The following RBP2 variants were observed in gnomAD, a reference collection of about 807,000 sequenced individuals.
RBP2 encodes the protein retinol binding protein 2, also known as retinol-binding protein 2.
RBP2 carries 17 observed loss-of-function variants against 17.0 expected under a neutral mutation model. The observed-to-expected ratio is 1.00, with a 90% CI of 0.68 to 1.50. The LOEUF (loss-of-function observed/expected upper bound fraction) is 1.50, where lower values mean the gene tolerates loss of function less well. Among genes scored for constraint, RBP2 ranks in the 40% most tolerant of loss-of-function variants. The pLI is 0.00. For synonymous variants in RBP2, 48 were observed against 57.1 expected, an observed-to-expected ratio of 0.84 and a Z score of 0.72; for missense variants, 158 against 168.2, an observed-to-expected ratio of 0.94 and a Z score of 0.33.
At chr3:139,456,022 CA>C (rs1468425569) in intron 2 of RBP2, among the ~76,000 whole-genome samples, 1 of 152,204 alleles carries the variant, frequency 6.6e-6, no homozygotes, top group African/African-American at 2.4e-5. Context: ...CCTACAGGGC[CA>C]ACCACTTCTG....
intron 2 of RBP2, among the ~76,000 whole-genome samples, chr3:139,461,538 AT>A (rs10709555): frequency 0.53 from 79,600 of 149,970 alleles, 23,601 homozygotes; most frequent in East Asian, 0.92. Flanking sequence ...TAACCTACTG[AT>A]TTTTTTTTTT....
intron 1 of RBP2, among the ~76,000 whole-genome samples, chr3:139,474,279 A>G (rs569932274): frequency 1.3e-5 from 2 of 152,314 alleles, no homozygotes; most frequent in South Asian, 2.1e-4. Flanking sequence ...GGCTGTTGTT[A>G]GAGGCAGGAT....
chr3:139,462,305 A>T lies in RBP2; in HGVS notation c.74-15T>A, dbSNP rs1933217213. ...AAAATCAATATCTGTTGGCAAAGGG[A>T]GTTGTGGAGGTTATGATGTGCTCAG... On this transcript the variant is annotated splice_polypyrimidine_tract_variant and intron_variant, in intron 1 of 3. Coordinates refer to ENST00000232217, the MANE Select transcript of RBP2 (RefSeq NM_004164.3). 4 of 1,613,672 alleles carry T rather than the reference A, an allele frequency of 2.5e-6. No individual in the cohort carries two copies. Among genetic ancestry groups the T allele is most frequent in the Non-Finnish European group, 3.4e-6 (4 of 1,179,672 alleles).
chr3:139,460,444 A>G (rs1218311185), intron 2 of RBP2, among the ~76,000 whole-genome samples: 1 of 152,174 alleles, frequency 6.6e-6, no homozygotes, highest in East Asian at 1.9e-4. Flanking sequence ...CCTTGACTTG[A>G]TGGCTGAGAT....
Position 139,453,122 on chromosome 3 carries a change from C to G in RBP2, c.399G>C (p.Lys133Asn). Reference sequence around the variant, plus strand: ...CAGGCCTCCCACGTCGCCATCATTTCTTTTTGAACACTTGACGGCACACCT... The same window carrying G: ...CAGGCCTCCCACGTCGCCATCATTTGTTTTTGAACACTTGACGGCACACCT... ...GDQVCRQVFK[K>N]K The change falls in exon 4 of 4, where the codon AAG becomes AAC. Residue 133 changes from lysine to asparagine, a missense_variant. Lys to Asn is a moderately conservative substitution (Grantham distance 94). Transcript: ENST00000232217. 10 of 1,614,100 alleles carry G rather than the reference C, an allele frequency of 6.2e-6. No homozygotes were observed. The highest frequency in any genetic ancestry group is 1.3e-5 in the African/African-American group (1 of 75,016).
intron 2 of RBP2, among the ~76,000 whole-genome samples, chr3:139,461,062 C>G (rs1933170427): frequency 1.3e-5 from 2 of 152,146 alleles, no homozygotes; most frequent in African/African-American, 4.8e-5. Flanking sequence ...TTGGATTTCT[C>G]CTATTCCTGT....
intron 1 of RBP2, among the ~76,000 whole-genome samples, chr3:139,467,932 G>A (rs1282761205): frequency 2.0e-5 from 3 of 152,080 alleles, no homozygotes; most frequent in African/African-American, 2.4e-5. Context: ...CAGTTTCCTC[G>A]CTCTATAGTC....
intron 1 of RBP2, among the ~76,000 whole-genome samples, chr3:139,469,950 C>T (rs962283172): frequency 7.9e-5 from 12 of 152,154 alleles, no homozygotes; most frequent in African/African-American, 2.7e-4. Flanking sequence ...TCTTAGGCTC[C>T]ATCATTTCCT....
chr3:139,475,872 G>C (rs141026854), intron 1 of RBP2, among the ~76,000 whole-genome samples: 34 of 152,324 alleles, frequency 2.2e-4, no homozygotes, highest in African/African-American at 7.9e-4. Context: ...ATAAGCAGTG[G>C]GTTGTTTGTG....
rs1576417795 is a variant in RBP2 at position 139,453,269 on chromosome 3, G to A, written c.355-103C>T. The A allele has an allele frequency of 2.3e-6, 3 of 1,301,900 alleles. No homozygotes were observed. In the East Asian group the frequency reaches 7.1e-5, roughly 31 times the overall value. 80.6% of individuals were successfully genotyped at this position (1,301,900 alleles called of 1,614,324 possible). ...GGGGGTGGGAGGTTGGAATAAAGAG[G>A]ACACTTAGGTATTCTGGGCAAAGTG... On this transcript the variant is annotated intron_variant, in intron 3 of 3. Transcript: ENST00000232217.
At position 139,462,142 on chromosome 3, in the gene RBP2, G is replaced by A. The variant is rs1933211132; in HGVS notation, c.222C>T (p.Tyr74=). Reference sequence around the variant, plus strand: ...CATGCCGGTTATCCAGGCTCTTTGTGTACTCGTCAAACTCTACTCCAACAG... The same window carrying A: ...CATGCCGGTTATCCAGGCTCTTTGTATACTCGTCAAACTCTACTCCAACAG... ...DFTVGVEFDE[Y]TKSLDNRHVK... The change falls in exon 2 of 4, where the codon TAC becomes TAT. Residue 74 remains tyrosine (Y), a synonymous_variant. Coordinates refer to ENST00000232217, the MANE Select transcript of RBP2 (RefSeq NM_004164.3). 2 of 1,613,894 alleles carry A rather than the reference G, an allele frequency of 1.2e-6. No homozygotes were observed. Among genetic ancestry groups the A allele is most frequent in the African/African-American group, 1.3e-5 (1 of 74,862 alleles).
chr3:139,453,593 A>T (rs761243400), intron 3 of RBP2, among the ~76,000 whole-genome samples: 1 of 152,230 alleles, frequency 6.6e-6, no homozygotes. Context: ...TGATTAGAAC[A>T]TTGGCTGGTG....
intron 1 of RBP2, among the ~76,000 whole-genome samples, chr3:139,463,942 G>C (rs1167432551): frequency 6.6e-6 from 1 of 152,118 alleles, no homozygotes; most frequent in Admixed American, 6.5e-5. Context: ...ATTTCTCTGA[G>C]AACTGCAGTA....
intron 1 of RBP2, among the ~76,000 whole-genome samples, chr3:139,467,774 C>G (rs959899505): frequency 6.6e-6 from 1 of 152,152 alleles, no homozygotes; most frequent in African/African-American, 2.4e-5. Flanking sequence ...TATGCATCTC[C>G]ATAGCTGTCT....
intron 1 of RBP2, among the ~76,000 whole-genome samples, chr3:139,465,304 G>T (rs527378055): frequency 2.4e-4 from 37 of 152,304 alleles, no homozygotes; most frequent in African/African-American, 8.2e-4. Flanking sequence ...GACACGCTTT[G>T]TGTCTAGGGA....
At chr3:139,458,683 A>T (rs1273541760) in intron 2 of RBP2, among the ~76,000 whole-genome samples, 4 of 152,076 alleles carry the variant, frequency 2.6e-5, no homozygotes, top group Admixed American at 2.6e-4. Context: ...CCTGTTCTGG[A>T]CGTCTCACAT....
Position 139,454,719 on chromosome 3 carries a change from C to T in RBP2, c.354+10G>A, listed in dbSNP as rs377145908. On this transcript the variant is annotated intron_variant, in intron 3 of 3. Transcript: ENST00000232217. ...CAATGGAAGTGAGCTGAGCAGAACC[C>T]AGTACTTACCAGGTACAGCTTGTCC... is the stretch of plus-strand genomic sequence containing the variant. 138 of 1,612,402 alleles carry T rather than the reference C, an allele frequency of 8.6e-5. No individual in the cohort carries two copies. The highest frequency in any genetic ancestry group is 7.5e-5 in the Non-Finnish European group (88 of 1,178,540).
chr3:139,454,361 C>T (rs528168503), intron 3 of RBP2, among the ~76,000 whole-genome samples: 3 of 152,236 alleles, frequency 2.0e-5, no homozygotes, highest in Admixed American at 1.3e-4. Context: ...CTCTCTCTCC[C>T]AGGCTCCCAT....
chr3:139,473,822 A>G (rs1314731016), intron 1 of RBP2, among the ~76,000 whole-genome samples: 1 of 152,168 alleles, frequency 6.6e-6, no homozygotes, highest in Admixed American at 6.5e-5. Flanking sequence ...GTCCTACCTC[A>G]ATGGTGATAA....
Sources: allele counts gnomAD v4.1 joint callset (sites outside exome capture counted in the v4.1 genomes callset), GRCh38; gene constraint gnomAD v4.1.1; transcripts MANE v1.5; gene names NCBI Gene and HGNC (gene_info 2026-07-23, HGNC 2026-07-21).